SORBS2: variants seen among roughly 807,000 people sequenced by gnomAD.
SORBS2 encodes sorbin and SH3 domain containing 2.
Under a neutral mutation model 97.7 loss-of-function variants are expected in SORBS2, and 46 were observed. The observed-to-expected ratio is 0.47, with a 90% CI of 0.37 to 0.60. The LOEUF is 0.60. SORBS2 is among the 20% of genes least tolerant of loss of function. SORBS2 has a pLI of 0.00. For missense variants in SORBS2, 1,316 were observed against 1,282.3 expected (o/e 1.03, Z -0.40); for synonymous variants, 476 against 473.4 (o/e 1.01, Z -0.07).
chr4:185,821,127 G>T (rs1410390448), intron 1 of SORBS2, among the ~76,000 whole-genome samples: 1 of 152,200 alleles, frequency 6.6e-6, no homozygotes, highest in African/African-American at 2.4e-5. Flanking sequence ...CGCCCGGGGG[G>T]CAAGGGGAGC....
chr4:185,839,225 G>A (rs539949224), intron 1 of SORBS2, among the ~76,000 whole-genome samples: 149 of 152,308 alleles, frequency 9.8e-4, no homozygotes, highest in African/African-American at 3.4e-3. Context: ...GCAAACACTC[G>A]GGGTAACTTG....
At chr4:185,809,499 T>C (rs989724783) in intron 1 of SORBS2, among the ~76,000 whole-genome samples, 3 of 147,558 alleles carry the variant, frequency 2.0e-5, no homozygotes, top group Non-Finnish European at 4.5e-5. Context: ...ATAGTATGTT[T>C]TGGAAATTCC....
Position 185,671,733 on chromosome 4 carries a change from T to C in SORBS2, c.-46+6690A>G, listed in dbSNP as rs1180705246. 2.0e-5 allele frequency among the ~76,000 whole-genome samples: 3 copies of C among 152,324 alleles called. No homozygotes were observed. In the East Asian group the frequency reaches 5.8e-4, roughly 29 times the overall value. On this transcript the variant is annotated intron_variant, in intron 4 of 20. Coordinates refer to the SORBS2 transcript ENST00000284776. ...AGAACATTCTGTCTCTTTTGCTCTGTGGATAACCATGCAGAAGTTAAGGAA... is the reference window on the plus strand; with the variant it reads ...AGAACATTCTGTCTCTTTTGCTCTGCGGATAACCATGCAGAAGTTAAGGAA...
chr4:185,666,315 T>C (rs1020240116), intron 4 of SORBS2: 7 of 503,040 alleles, frequency 1.4e-5, no homozygotes, highest in Non-Finnish European at 2.4e-5. Flanking sequence ...GCAAGCACTT[T>C]AAGGAGTTAC....
At chr4:185,824,317 C>T (rs2099198549) in intron 1 of SORBS2, among the ~76,000 whole-genome samples, 1 of 152,144 alleles carries the variant, frequency 6.6e-6, no homozygotes, top group Admixed American at 6.5e-5. Flanking sequence ...ACACATCTTC[C>T]CTGTGTGTGT....
At chr4:185,823,068 G>A (rs1472607102) in intron 1 of SORBS2, among the ~76,000 whole-genome samples, 2 of 152,156 alleles carry the variant, frequency 1.3e-5, no homozygotes, top group African/African-American at 4.8e-5. Flanking sequence ...GTAAAGTGCC[G>A]TTTTACGGAG....
Position 185,730,310 on chromosome 4 carries a change from CTTTTTTT to C in SORBS2, c.-198+44910_-198+44916del, listed in dbSNP as rs67749971. ...TTTTTTTTAAAGGTCAATATACTTT[CTTTTTTT>C]TTTTTTTTTTTGGAAAAGAAATATT... On this transcript the variant is annotated intron_variant, in intron 2 of 20. Transcript: ENST00000284776. 2.4e-4 allele frequency among the ~76,000 whole-genome samples: 30 copies of C among 125,274 alleles called. 1 individual carries two copies. The highest frequency in any genetic ancestry group is 5.5e-4 in the African/African-American group (18 of 32,770). The allele number at this position is 125,274 out of a possible 152,430, so 82.2% of individuals were successfully genotyped here.
chr4:185,921,801 T>C (rs2099261036), intron 1 of SORBS2, among the ~76,000 whole-genome samples: 1 of 152,218 alleles, frequency 6.6e-6, no homozygotes, highest in Non-Finnish European at 1.5e-5. Context: ...TTCAAAGCGA[T>C]CCTTCCAGTC....
intron 4 of SORBS2, among the ~76,000 whole-genome samples, chr4:185,666,882 G>A (rs1178657232): frequency 1.3e-5 from 2 of 152,132 alleles, no homozygotes; most frequent in Non-Finnish European, 2.9e-5. Flanking sequence ...AACTATGGTT[G>A]GCACTAAATC....
Position 185,913,380 on chromosome 4 carries a change from T to C in SORBS2, c.-338+42816A>G, listed in dbSNP as rs544354641. Among the ~76,000 whole-genome samples the C allele has an allele frequency of 2.0e-5, 3 of 152,312 alleles. No individual in the cohort carries two copies. In the East Asian group the frequency reaches 5.8e-4, roughly 29 times the overall value. On this transcript the variant is annotated intron_variant, in intron 1 of 20. Coordinates refer to the SORBS2 transcript ENST00000284776. ...TCCAAACCTTTAAAAAATGTTACCA[T>C]ACCTTGATTTAGGTTGACCTGACAG...
At chr4:185,813,862 C>T (rs2153668698) in intron 1 of SORBS2, among the ~76,000 whole-genome samples, 1 of 152,284 alleles carries the variant, frequency 6.6e-6, no homozygotes, top group Admixed American at 6.5e-5. Flanking sequence ...CCTGGGACTT[C>T]TTAGCAGTTC....
At chr4:185,946,739 A>T (rs2099274724) in intron 1 of SORBS2, among the ~76,000 whole-genome samples, 1 of 152,232 alleles carries the variant, frequency 6.6e-6, no homozygotes, top group Admixed American at 6.5e-5. Context: ...TAATTTTGTA[A>T]ATAAGACATA....
rs1051247708 is a variant in SORBS2, at chr4:185,925,252, C to T, written c.-338+30944G>A. Among the ~76,000 whole-genome samples the T allele has an allele frequency of 3.3e-5, 5 of 152,144 alleles. 1 individual carries two copies. Among genetic ancestry groups the T allele is most frequent in the African/African-American group, 1.2e-4 (5 of 41,426 alleles). Reference sequence around the variant, plus strand: ...ATTCTTCTTTTTGAGAATATATCCTCTAATGCCACTGGTCCTTAAATATGT... The same window carrying T: ...ATTCTTCTTTTTGAGAATATATCCTTTAATGCCACTGGTCCTTAAATATGT... On this transcript the variant is annotated intron_variant, in intron 1 of 20. Transcript: ENST00000284776.
chr4:185,916,866 G>A (rs1229238484), intron 1 of SORBS2, among the ~76,000 whole-genome samples: 2 of 152,126 alleles, frequency 1.3e-5, no homozygotes, highest in Non-Finnish European at 2.9e-5. Flanking sequence ...ATCTGCAAAG[G>A]GCTGTCTTTT....
At chr4:185,674,461 T>A (rs1185939104) in intron 4 of SORBS2, among the ~76,000 whole-genome samples, 4 of 152,180 alleles carry the variant, frequency 2.6e-5, no homozygotes, top group African/African-American at 9.7e-5. Context: ...AGTAGTTACC[T>A]AACTGGTTTG....
At chr4:185,694,139 G>A (rs564959285) in intron 2 of SORBS2, among the ~76,000 whole-genome samples, 160 of 152,350 alleles carry the variant, frequency 1.1e-3, no homozygotes, top group Non-Finnish European at 1.9e-3. Context: ...TTTGTGCTAA[G>A]TCCATTAACA....
chr4:185,803,096 G>A (rs1346627843), intron 1 of SORBS2, among the ~76,000 whole-genome samples: 2 of 152,090 alleles, frequency 1.3e-5, no homozygotes, highest in Non-Finnish European at 2.9e-5. Context: ...GTCCTTCTGG[G>A]TCCTATCCTT....
chr4:185,886,973 A>G lies in SORBS2; in HGVS notation c.-338+69223T>C, dbSNP rs577570450. ...GGGAAGGACCTTCCAGCGGGCAGCG[A>G]TAGAATGGCCAAAGAGGAAGGACCT... is the stretch of plus-strand genomic sequence containing the variant. On this transcript the variant is annotated intron_variant, in intron 1 of 20. Coordinates refer to the SORBS2 transcript ENST00000284776. Among the ~76,000 whole-genome samples the G allele has an allele frequency of 8.5e-5, 13 of 152,302 alleles. No homozygotes were observed. The East Asian group carries it at 2.5e-3, about 29-fold the overall frequency.
intron 1 of SORBS2, among the ~76,000 whole-genome samples, chr4:185,859,409 C>T (rs137894282): frequency 6.6e-6 from 1 of 152,308 alleles, no homozygotes; most frequent in African/African-American, 2.4e-5. Context: ...TTCCCTCACA[C>T]CCTGCGTTTC....
Sources: gnomAD v4.1 joint callset for allele counts (sites outside exome capture counted in the v4.1 genomes callset) on GRCh38, gnomAD v4.1.1 for gene constraint, MANE v1.5 for transcripts, NCBI Gene and HGNC (gene_info 2026-07-23, HGNC 2026-07-21) for gene names.